The following CLSTN2 variants were observed in gnomAD, a reference collection of about 807,000 sequenced individuals.
CLSTN2 encodes the protein calsyntenin-2.
CLSTN2 carries 48 observed loss-of-function variants against 101.2 expected under a neutral mutation model. The observed-to-expected ratio is 0.47, with a 90% CI of 0.38 to 0.60. The LOEUF (loss-of-function observed/expected upper bound fraction) is 0.60, where lower values mean the gene tolerates loss of function less well. Among genes scored for constraint, CLSTN2 ranks in the 20% least tolerant of loss-of-function variants. The pLI is 0.00. For missense variants in CLSTN2, 1,160 were observed against 1,238.2 expected (o/e 0.94, Z 0.95); for synonymous variants, 481 against 463.6 (o/e 1.04, Z -0.48).
chr3:140,118,576 T>G (rs1030660683), intron 1 of CLSTN2, among the ~76,000 whole-genome samples: 1 of 138,560 alleles, frequency 7.2e-6, no homozygotes, highest in Non-Finnish European at 1.5e-5. Flanking sequence ...GGGTGCAATC[T>G]GGAGCCTGCC....
At chr3:140,150,870 A>G (rs1410574913) in intron 1 of CLSTN2, among the ~76,000 whole-genome samples, 1 of 152,188 alleles carries the variant, frequency 6.6e-6, no homozygotes, top group Non-Finnish European at 1.5e-5. Context: ...AATTCCCAGT[A>G]CATAAGATAG....
At position 140,575,605 on chromosome 3, in the gene CLSTN2, A is replaced by G. The variant is rs1030805689; in HGVS notation, c.*9352A>G. The G allele has an allele frequency of 2.4e-4, 37 of 152,244 alleles. 2 individuals carry two copies. The highest frequency in any genetic ancestry group is 2.4e-3 in the Admixed American group (37 of 15,278). The allele number at this position is 152,244 out of a possible 1,614,324, so 9.4% of individuals were successfully genotyped here. A position where few individuals can be genotyped will look rare whatever the true frequency, so the allele number is the denominator to read the frequency against. On this transcript the variant is annotated 3_prime_UTR_variant, in exon 17 of 17. Coordinates refer to ENST00000458420, the MANE Select transcript of CLSTN2 (RefSeq NM_022131.3). Reference sequence around the variant, plus strand: ...GAAGAAAACCAGTTGGTGAGTATAGAAAAGAAATTGCATGTAGAAGTTGTT... The same window carrying G: ...GAAGAAAACCAGTTGGTGAGTATAGGAAAGAAATTGCATGTAGAAGTTGTT...
At chr3:140,196,942 G>A (rs1242171665) in intron 2 of CLSTN2, among the ~76,000 whole-genome samples, 1 of 152,152 alleles carries the variant, frequency 6.6e-6, no homozygotes, top group East Asian at 1.9e-4. Context: ...TTTTTTATGA[G>A]TTTTGGCAAT....
intron 2 of CLSTN2, among the ~76,000 whole-genome samples, chr3:140,369,577 T>TA (rs11373352): frequency 0.56 from 84,132 of 151,320 alleles, 24,115 homozygotes; most frequent in Non-Finnish European, 0.61. Flanking sequence ...AATAATTTGT[T>TA]AAAAAAAAAT....
At chr3:140,556,703 G>T (rs1014756381) in intron 11 of CLSTN2, 42 bp downstream of exon 11, 2 of 1,599,992 alleles carry the variant, frequency 1.3e-6, no homozygotes, top group Non-Finnish European at 1.7e-6. Flanking sequence ...TGAGGCAGCA[G>T]TTGGGAAGGT....
intron 1 of CLSTN2, among the ~76,000 whole-genome samples, chr3:139,972,218 C>T (rs567125295): frequency 1.3e-5 from 2 of 152,006 alleles, no homozygotes; most frequent in East Asian, 3.9e-4. Flanking sequence ...GAGCCAAGAT[C>T]GCACCACTGC....
chr3:140,117,775 T>TG (rs1457114292), intron 1 of CLSTN2, among the ~76,000 whole-genome samples: 1 of 152,120 alleles, frequency 6.6e-6, no homozygotes. Flanking sequence ...ATCTTACAGA[T>TG]GGGAAAACCA....
chr3:140,249,966 G>A (rs184921444), intron 2 of CLSTN2, among the ~76,000 whole-genome samples: 1 of 152,294 alleles, frequency 6.6e-6, no homozygotes, highest in Admixed American at 6.5e-5. Context: ...AGCTGGCAGG[G>A]AAAGCTCAGA....
intron 5 of CLSTN2, among the ~76,000 whole-genome samples, chr3:140,430,271 G>C (rs1038098860): frequency 6.6e-6 from 1 of 152,106 alleles, no homozygotes; most frequent in Non-Finnish European, 1.5e-5. Context: ...TCCCCCCTGA[G>C]AAATGAAAAT....
intron 2 of CLSTN2, among the ~76,000 whole-genome samples, chr3:140,366,079 G>T (rs2087785176): frequency 6.6e-6 from 1 of 152,222 alleles, no homozygotes; most frequent in African/African-American, 2.4e-5. Flanking sequence ...ACAAGCCACA[G>T]TGCCCTTGCC....
At chr3:140,422,820 C>T (rs1011373059) in intron 5 of CLSTN2, among the ~76,000 whole-genome samples, 2 of 152,156 alleles carry the variant, frequency 1.3e-5, no homozygotes, top group Admixed American at 1.3e-4. Context: ...ATTTCTCAAG[C>T]TTGGTGCAGT....
chr3:140,452,717 T>G (rs1933281124), intron 6 of CLSTN2: 1 of 152,154 alleles, frequency 6.6e-6, no homozygotes, highest in Admixed American at 6.5e-5. Flanking sequence ...AGGGAAGCAT[T>G]GGATGTCAGG....
intron 2 of CLSTN2, among the ~76,000 whole-genome samples, chr3:140,198,037 G>T (rs548310655): frequency 1.3e-5 from 2 of 152,240 alleles, no homozygotes; most frequent in East Asian, 3.9e-4. Context: ...CTCATGAATT[G>T]TACCAGTGTT....
At chr3:140,305,052 ACACT>A (rs74451383) in intron 2 of CLSTN2, among the ~76,000 whole-genome samples, 21,557 of 122,086 alleles carry the variant, frequency 0.18, 1,489 homozygotes, top group East Asian at 0.28. Flanking sequence ...ACACACACAC[ACACT>A]CTCTCTCTCT....
intron 1 of CLSTN2, among the ~76,000 whole-genome samples, chr3:140,031,642 G>T (rs1329538031): frequency 6.6e-6 from 1 of 152,160 alleles, no homozygotes; most frequent in Admixed American, 6.5e-5. Context: ...AGGGATATTT[G>T]TAGTTTCCTG....
At chr3:139,971,921 C>G (rs1465006119) in intron 1 of CLSTN2, among the ~76,000 whole-genome samples, 1 of 152,076 alleles carries the variant, frequency 6.6e-6, no homozygotes, top group Non-Finnish European at 1.5e-5. Flanking sequence ...AATCCCTGAC[C>G]ATAGGTGTTG....
intron 2 of CLSTN2, among the ~76,000 whole-genome samples, chr3:140,230,960 C>T (rs2086366410): frequency 6.6e-6 from 1 of 152,202 alleles, no homozygotes; most frequent in African/African-American, 2.4e-5. Flanking sequence ...AGCGTGAGGT[C>T]AGCCTGGCAG....
rs538133617 is a variant in CLSTN2, at chr3:140,095,424, A to T, written c.110-80527A>T. On this transcript the variant is annotated intron_variant, in intron 1 of 16. Coordinates refer to ENST00000458420, the MANE Select transcript of CLSTN2 (RefSeq NM_022131.3). ...GGCCAAATATCCAAAATTAAAAATTACTTAGCTCTTACATACCTGTAGTTA... is the reference window on the plus strand; with the variant it reads ...GGCCAAATATCCAAAATTAAAAATTTCTTAGCTCTTACATACCTGTAGTTA... 2.0e-5 allele frequency among the ~76,000 whole-genome samples: 3 copies of T among 152,336 alleles called. No homozygotes were observed. In the East Asian group the frequency reaches 5.8e-4, roughly 29 times the overall value.
At chr3:140,529,464 A>G (rs1935211699) in intron 8 of CLSTN2, among the ~76,000 whole-genome samples, 1 of 152,210 alleles carries the variant, frequency 6.6e-6, no homozygotes, top group African/African-American at 2.4e-5. Flanking sequence ...TCTCTCCCCC[A>G]AGGAAAGGTC....
Sources: gnomAD v4.1 joint callset for allele counts (sites outside exome capture counted in the v4.1 genomes callset) on GRCh38, gnomAD v4.1.1 for gene constraint, MANE v1.5 for transcripts, NCBI Gene and HGNC (gene_info 2026-07-23, HGNC 2026-07-21) for gene names.